The following TBC1D22B variants were observed in gnomAD, a reference collection of about 807,000 sequenced individuals.
TBC1D22B encodes the protein TBC1 domain family member 22B.
TBC1D22B carries 32 observed loss-of-function variants against 69.1 expected under a neutral mutation model. The ratio of observed to expected loss-of-function variants is 0.46; its 90% CI spans 0.35 to 0.62. TBC1D22B has a LOEUF of 0.62. Among genes scored for constraint, TBC1D22B ranks in the 20% least tolerant of loss-of-function variants. The probability of loss-of-function intolerance (pLI) is 0.00; values close to 1 mark genes in which losing one functional copy is unlikely to be tolerated. For synonymous variants in TBC1D22B, 206 were observed against 229.8 expected, an observed-to-expected ratio of 0.90 and a Z score of 0.94; for missense variants, 462 against 630.9, an observed-to-expected ratio of 0.73 and a Z score of 2.87.
intron 8 of TBC1D22B, among the ~76,000 whole-genome samples, chr6:37,294,412 T>C (rs1767290079): frequency 6.6e-6 from 1 of 151,988 alleles, no homozygotes. Context: ...GTTCAAGTGG[T>C]CCTCCCATCT....
rs1414654534 is a variant in TBC1D22B at position 37,327,427 on chromosome 6, G to A, written c.1390-3617G>A. On this transcript the variant is annotated intron_variant, in intron 12 of 12. Transcript: ENST00000373491. ...CGGGAGGCGGAGCTTGCAGTGAGCC[G>A]AGATCGTGCCACTGCACTCCAGCCT... is the stretch of plus-strand genomic sequence containing the variant. Among the ~76,000 whole-genome samples, 95 of 72,800 alleles carry A rather than the reference G, an allele frequency of 1.3e-3. 4 individuals carry two copies. The highest frequency in any genetic ancestry group is 7.4e-3 in the Admixed American group (34 of 4,568). 47.8% of individuals were successfully genotyped at this position (72,800 alleles called of 152,430 possible).
intron 1 of TBC1D22B, among the ~76,000 whole-genome samples, chr6:37,261,165 T>C (rs1564502): frequency 0.83 from 125,883 of 152,040 alleles, 52,639 homozygotes; most frequent in South Asian, 0.91. Flanking sequence ...TTGGCAGGTG[T>C]GGTGGCCTGT....
intron 3 of TBC1D22B, among the ~76,000 whole-genome samples, chr6:37,281,029 G>A (rs529215599): frequency 1.7e-4 from 26 of 152,356 alleles, no homozygotes; most frequent in African/African-American, 6.3e-4. Context: ...AGTAGTGCTG[G>A]TTGGTTGATA....
intron 10 of TBC1D22B, among the ~76,000 whole-genome samples, chr6:37,314,455 T>C (rs1054828182): frequency 1.1e-4 from 17 of 152,156 alleles, no homozygotes; most frequent in Non-Finnish European, 2.1e-4. Context: ...TCCCAGGACT[T>C]GTGTGGGGTG....
At chr6:37,283,470 T>C (rs533258978) in intron 5 of TBC1D22B, among the ~76,000 whole-genome samples, 2 of 152,230 alleles carry the variant, frequency 1.3e-5, no homozygotes, top group Non-Finnish European at 2.9e-5. Context: ...ATTGAGAGCC[T>C]GCTGTTTGCC....
intron 8 of TBC1D22B, among the ~76,000 whole-genome samples, chr6:37,299,865 C>T (rs1445957408): frequency 6.6e-6 from 1 of 151,944 alleles, no homozygotes; most frequent in African/African-American, 2.4e-5. Context: ...ACAAATTAGC[C>T]GGGCATGGTG....
At chr6:37,287,107 C>T (rs759252109) in intron 7 of TBC1D22B, 35 bp downstream of exon 7, 1 of 1,556,124 alleles carries the variant, frequency 6.4e-7, no homozygotes, top group African/African-American at 1.4e-5. Context: ...TGGCGCTTCT[C>T]CCCGCATAGT....
intron 2 of TBC1D22B, among the ~76,000 whole-genome samples, chr6:37,273,637 G>A (rs1766571774): frequency 6.6e-6 from 1 of 152,134 alleles, no homozygotes; most frequent in African/African-American, 2.4e-5. Flanking sequence ...CTTTCAATAG[G>A]AGTAATTACT....
intron 8 of TBC1D22B, among the ~76,000 whole-genome samples, chr6:37,298,244 AC>A (rs1767450150): frequency 6.6e-6 from 1 of 151,994 alleles, no homozygotes; most frequent in African/African-American, 2.4e-5. Context: ...ACACACACCC[AC>A]CTCCAAGATA....
chr6:37,291,215 C>A (rs1381562805), intron 7 of TBC1D22B, 28 bp from the exon 8 acceptor site: 5 of 1,495,112 alleles, frequency 3.3e-6, no homozygotes, highest in Non-Finnish European at 4.7e-6. Context: ...TGATTTAACA[C>A]TCGTGTCTTT....
intron 7 of TBC1D22B, among the ~76,000 whole-genome samples, chr6:37,289,845 A>C (rs971453071): frequency 2.0e-5 from 3 of 152,040 alleles, no homozygotes; most frequent in Admixed American, 6.5e-5. Flanking sequence ...TTCCCATTAG[A>C]GTGTTGGGCC....
At chr6:37,268,086 G>A (rs1766362706) in intron 1 of TBC1D22B, among the ~76,000 whole-genome samples, 1 of 152,160 alleles carries the variant, frequency 6.6e-6, no homozygotes, top group Admixed American at 6.5e-5. Context: ...GTTGAAGTTT[G>A]TTCTCTCACA....
At position 37,269,586 on chromosome 6, in the gene TBC1D22B, G is replaced by C. The variant is rs753645899; in HGVS notation, c.57-8G>C. 1 of 1,613,736 alleles carries C rather than the reference G, an allele frequency of 6.2e-7. No individual in the cohort carries two copies. Among genetic ancestry groups the C allele is most frequent in the Non-Finnish European group, 8.5e-7 (1 of 1,179,860 alleles). ...CTAACTATTTCTTCCTTTTGTTTTT[G>C]CTTTTAGCATTCAGCCTGTATATGG... On this transcript the variant is annotated splice_polypyrimidine_tract_variant and splice_region_variant and intron_variant, in intron 1 of 12. Transcript: ENST00000373491.
Position 37,282,966 on chromosome 6 carries a change from A to C in TBC1D22B, c.672+14A>C, listed in dbSNP as rs756793070. The stretch of plus-strand genomic sequence containing the variant: ...AGACTCCTGTCGGTGAGTTCTACCC[A>C]CTGTGTAGAGAAATGTGAGCCTCAC... On this transcript the variant is annotated intron_variant, in intron 5 of 12. Transcript: ENST00000373491. 13 of 1,612,440 alleles carry C rather than the reference A, an allele frequency of 8.1e-6. No homozygotes were observed. In the South Asian group the frequency reaches 1.2e-4, roughly 15 times the overall value.
At position 37,313,714 on chromosome 6, in the gene TBC1D22B, A is replaced by G. The variant is rs1054216149; in HGVS notation, c.1090-102A>G. On this transcript the variant is annotated intron_variant, in intron 9 of 12. Transcript: ENST00000373491. ...AACACTGTCACTGGCCATTGGTACT[A>G]GCTTTGGAAAATGGCCTGAACTTCT... The G allele has an allele frequency of 3.8e-5, 41 of 1,089,466 alleles. No individual in the cohort carries two copies. In the South Asian group the frequency reaches 5.2e-4, roughly 14 times the overall value. The allele number at this position is 1,089,466 out of a possible 1,614,324, so 67.5% of individuals were successfully genotyped here.
At chr6:37,318,894 G>GT (rs1270701273) in intron 12 of TBC1D22B, among the ~76,000 whole-genome samples, 1 of 152,160 alleles carries the variant, frequency 6.6e-6, no homozygotes, top group African/African-American at 2.4e-5. Context: ...GAACTGAGAG[G>GT]TTTTTTGGTT....
rs544208443 is a variant in TBC1D22B, at chr6:37,268,316, C to T, written c.57-1278C>T. 2.6e-5 allele frequency among the ~76,000 whole-genome samples: 4 copies of T among 152,064 alleles called. No homozygotes were observed. In the South Asian group the frequency reaches 6.2e-4, roughly 24 times the overall value. On this transcript the variant is annotated intron_variant, in intron 1 of 12. Transcript: ENST00000373491. ...GTGGTGTGCTCACTGCAGCCTGGAC[C>T]CTCCTGGGGTCAAGCGATCCCCCCG...
intron 1 of TBC1D22B, among the ~76,000 whole-genome samples, chr6:37,263,709 G>A (rs1156504591): frequency 6.6e-6 from 1 of 152,084 alleles, no homozygotes; most frequent in Non-Finnish European, 1.5e-5. Context: ...TTGGCCTCCC[G>A]AGTAGCTGGG....
At chr6:37,322,161 T>C (rs1204289677) in intron 12 of TBC1D22B, among the ~76,000 whole-genome samples, 1 of 152,172 alleles carries the variant, frequency 6.6e-6, no homozygotes, top group African/African-American at 2.4e-5. Flanking sequence ...TGAAGAGGAC[T>C]GTATCTGCCC....
Sources: gnomAD v4.1 joint callset for allele counts (sites outside exome capture counted in the v4.1 genomes callset) on GRCh38, gnomAD v4.1.1 for gene constraint, MANE v1.5 for transcripts, NCBI Gene and HGNC (gene_info 2026-07-23, HGNC 2026-07-21) for gene names.